The following PLAC1 variants were observed in gnomAD, a reference collection of about 807,000 sequenced individuals.
PLAC1 encodes placenta associated 1.
For synonymous variants in PLAC1, 68 were observed against 62.1 expected (o/e 1.09, Z -0.44); for missense variants, 136 against 163.2 (o/e 0.83, Z 0.91).
intron 2 of PLAC1, among the ~76,000 whole-genome samples, chrX:134,694,458 T>C (rs191855665): frequency 3.6e-5 from 4 of 111,751 alleles, no homozygotes; most frequent in South Asian, 7.6e-4. Flanking sequence ...CAATTTCCTA[T>C]TGATGCCTGT....
intron 2 of PLAC1, among the ~76,000 whole-genome samples, chrX:134,680,525 AAACTGAACTAAACTAAACTG>A (rs2078491185): frequency 9.8e-6 from 1 of 102,151 alleles, no homozygotes; most frequent in Non-Finnish European, 2.0e-5. Context: ...TTCCTAAACT[AAACTGAACTAAACTAAACTG>A]AACTAAACTA....
chrX:134,674,109 C>T (rs2078465230), intron 2 of PLAC1, among the ~76,000 whole-genome samples: 1 of 112,606 alleles, frequency 8.9e-6, no homozygotes, highest in African/African-American at 3.2e-5. Flanking sequence ...CCCAACAGCC[C>T]ACTTGGGAGC....
chrX:134,712,285 G>A (rs2078630484), intron 2 of PLAC1, among the ~76,000 whole-genome samples: 1 of 111,308 alleles, frequency 9.0e-6, no homozygotes. Context: ...TGACTTCCCA[G>A]TAGAAATAGC....
In PLAC1 at chrX:134,614,189, C is replaced by T. The variant is rs963131422; in HGVS notation, c.-130-12067G>A. Among the ~76,000 whole-genome samples, 44 of 111,225 alleles carry T rather than the reference C, an allele frequency of 4.0e-4. 1 individual carries two copies. The highest frequency in any genetic ancestry group is 1.4e-3 in the African/African-American group (44 of 30,548). On this transcript the variant is annotated intron_variant, in intron 1 of 2. Coordinates refer to ENST00000359237, the MANE Select transcript of PLAC1 (RefSeq NM_021796.4). ...CAGCTCTTAGCTGTACCAGACCACC[C>T]AGTGTCTAGTTATACTTTCTTATGA...
At chrX:134,567,056 T>G (rs962030689) in intron 2 of PLAC1, among the ~76,000 whole-genome samples, 1 of 112,436 alleles carries the variant, frequency 8.9e-6, no homozygotes, top group African/African-American at 3.2e-5. Context: ...CAGAACAGTT[T>G]TTGTGTCAAA....
chrX:134,585,144 A>G (rs1419982533), intron 2 of PLAC1, among the ~76,000 whole-genome samples: 1 of 97,637 alleles, frequency 1.0e-5, no homozygotes, highest in Non-Finnish European at 2.1e-5. Context: ...ATCCTGGCTA[A>G]CATGGTGAAA....
intron 1 of PLAC1, among the ~76,000 whole-genome samples, chrX:134,762,821 CAAAAAAAAA>C (rs60721487): frequency 0.033 from 490 of 14,806 alleles, 3 homozygotes; most frequent in African/African-American, 0.064. Flanking sequence ...GGCTCTATCT[CAAAAAAAAA>C]AAAAAAAAAA....
rs1200851828 is a variant in PLAC1 at position 134,613,692 on chromosome X, T to G, written c.-130-11570A>C. On this transcript the variant is annotated intron_variant, in intron 1 of 2. Transcript: ENST00000359237. ...CCTTACAGAGAGAAAGGTCTTTGTG[T>G]TACTCCAAGCAAAGGCTCTAGAGAC... Among the ~76,000 whole-genome samples the G allele has an allele frequency of 2.7e-5, 3 of 111,143 alleles. No homozygotes were observed. The Admixed American group carries it at 2.9e-4, about 11-fold the overall frequency.
rs779511709 is a variant in PLAC1, at chrX:134,717,250, C to T, written n.174+16185G>A. Reference sequence around the variant, plus strand: ...ATAGTCTTCAGGGAGAAGTACATTGCGCACATATGACAAGTAGCTTTTTTC... The same window carrying T: ...ATAGTCTTCAGGGAGAAGTACATTGTGCACATATGACAAGTAGCTTTTTTC... On this transcript the variant is annotated intron_variant and non_coding_transcript_variant, in intron 2 of 2. Coordinates refer to the PLAC1 transcript ENST00000466797. Among the ~76,000 whole-genome samples the T allele has an allele frequency of 6.3e-5, 7 of 111,532 alleles. No individual in the cohort carries two copies. In the East Asian group the frequency reaches 1.7e-3, roughly 27 times the overall value.
At chrX:134,578,517 T>TTC (rs1556042113) in intron 2 of PLAC1, among the ~76,000 whole-genome samples, 1 of 86,410 alleles carries the variant, frequency 1.2e-5, no homozygotes. Context: ...CTTTCTTTCT[T>TTC]TTTTTTTTTT....
intron 2 of PLAC1, among the ~76,000 whole-genome samples, chrX:134,711,937 T>C (rs2078629225): frequency 3.6e-5 from 4 of 112,268 alleles, no homozygotes; most frequent in Non-Finnish European, 7.5e-5. Context: ...TTCTTGAATG[T>C]GCTTCTTATT....
At chrX:134,697,428 C>T (rs1350882123) in intron 2 of PLAC1, among the ~76,000 whole-genome samples, 1 of 111,855 alleles carries the variant, frequency 8.9e-6, no homozygotes, top group African/African-American at 3.3e-5. Flanking sequence ...TAGAGATAAC[C>T]ACTCTTAATA....
At chrX:134,578,846 A>G (rs1602793675) in intron 2 of PLAC1, among the ~76,000 whole-genome samples, 1 of 109,622 alleles carries the variant, frequency 9.1e-6, no homozygotes, top group East Asian at 2.9e-4. Flanking sequence ...TCCAAATTAA[A>G]GCAAATTTCT....
At chrX:134,667,300 A>G in intron 2 of PLAC1, among the ~76,000 whole-genome samples, 1 of 112,373 alleles carries the variant, frequency 8.9e-6, no homozygotes, top group East Asian at 2.8e-4. Context: ...TATCTAGATT[A>G]CATGCAAAAC....
chrX:134,703,295 T>C (rs956043684), intron 2 of PLAC1, among the ~76,000 whole-genome samples: 3 of 111,732 alleles, frequency 2.7e-5, no homozygotes, highest in African/African-American at 9.7e-5. Flanking sequence ...AAAAGACAGA[T>C]GGCATTCAAA....
chrX:134,715,008 C>T (rs770372644), intron 2 of PLAC1, among the ~76,000 whole-genome samples: 1 of 111,794 alleles, frequency 8.9e-6, no homozygotes, highest in South Asian at 3.8e-4. Context: ...TATCCCATCC[C>T]CCTCTCTCCA....
At chrX:134,708,696 G>A (rs1319567500) in intron 2 of PLAC1, among the ~76,000 whole-genome samples, 4 of 109,761 alleles carry the variant, frequency 3.6e-5, no homozygotes, top group Non-Finnish European at 7.6e-5. Flanking sequence ...GTGCCACCAC[G>A]CCTGACTAAT....
At chrX:134,612,704 C>G (rs752284336) in intron 1 of PLAC1, among the ~76,000 whole-genome samples, 1 of 112,064 alleles carries the variant, frequency 8.9e-6, no homozygotes, top group East Asian at 2.8e-4. Flanking sequence ...GCAATTCAAT[C>G]ACAACAAAGT....
At chrX:134,762,701 G>A (rs1173845428) in intron 1 of PLAC1, among the ~76,000 whole-genome samples, 3 of 106,485 alleles carry the variant, frequency 2.8e-5, no homozygotes, top group Non-Finnish European at 3.9e-5. Flanking sequence ...AGTGGCGGGC[G>A]CCTATAATCC....
Sources: gnomAD v4.1 joint callset for allele counts (sites outside exome capture counted in the v4.1 genomes callset) on GRCh38, gnomAD v4.1.1 for gene constraint, MANE v1.5 for transcripts, NCBI Gene and HGNC (gene_info 2026-07-23, HGNC 2026-07-21) for gene names.